Variants in IFNG-AS1 observed in about 807,000 individuals in gnomAD.
IFNG-AS1 encodes IFNG regulatory antisense RNA 1.
Position 68,014,836 on chromosome 12 carries a change from T to G in IFNG-AS1, n.242-5026T>G, listed in dbSNP as rs537010691. Among the ~76,000 whole-genome samples, 130 of 152,118 alleles carry G rather than the reference T, an allele frequency of 8.5e-4. 1 individual carries two copies. Among genetic ancestry groups the G allele is most frequent in the African/African-American group, 3.1e-3 (127 of 41,500 alleles). On this transcript the variant is annotated intron_variant and non_coding_transcript_variant, in intron 3 of 5. Transcript: ENST00000536914. ...CACACAGACACCCTATTGGTTCTATTTCTTTGGAGAACCCTAATACATTAA... is the reference window on the plus strand; with the variant it reads ...CACACAGACACCCTATTGGTTCTATGTCTTTGGAGAACCCTAATACATTAA...
At chr12:68,011,118 A>G (rs1390272844) in intron 3 of IFNG-AS1, among the ~76,000 whole-genome samples, 1 of 152,224 alleles carries the variant, frequency 6.6e-6, no homozygotes, top group Non-Finnish European at 1.5e-5. Flanking sequence ...GGCTCAGCTG[A>G]TAATATTTGC....
chr12:68,008,234 G>A (rs1879949126), intron 3 of IFNG-AS1, among the ~76,000 whole-genome samples: 1 of 152,058 alleles, frequency 6.6e-6, no homozygotes, highest in African/African-American at 2.4e-5. Context: ...GGCTAACACG[G>A]TGAAACCCCA....
intron 1 of IFNG-AS1, among the ~76,000 whole-genome samples, chr12:67,994,077 C>T (rs1043681754): frequency 6.6e-6 from 1 of 152,180 alleles, no homozygotes; most frequent in African/African-American, 2.4e-5. Flanking sequence ...ATAATTTAAC[C>T]TTCCAAGCAT....
intron 3 of IFNG-AS1, among the ~76,000 whole-genome samples, chr12:68,011,998 T>C (rs1439877914): frequency 1.3e-5 from 2 of 152,150 alleles, no homozygotes; most frequent in African/African-American, 4.8e-5. Context: ...TGGGGAAGGT[T>C]TGATGTTTTT....
chr12:68,004,935 A>G (rs998945509), intron 2 of IFNG-AS1, among the ~76,000 whole-genome samples: 2 of 152,162 alleles, frequency 1.3e-5, no homozygotes, highest in Admixed American at 1.3e-4. Flanking sequence ...AGAAGGATAA[A>G]CATCCCACTT....
chr12:67,992,624 C>G (rs188886087), intron 1 of IFNG-AS1, among the ~76,000 whole-genome samples: 3 of 152,136 alleles, frequency 2.0e-5, no homozygotes, highest in Non-Finnish European at 4.4e-5. Context: ...GCTATAAAAG[C>G]CTTTTATGCT....
At chr12:68,002,777 A>G (rs1436115883) in intron 2 of IFNG-AS1, among the ~76,000 whole-genome samples, 1 of 152,188 alleles carries the variant, frequency 6.6e-6, no homozygotes, top group African/African-American at 2.4e-5. Flanking sequence ...CTTTTTTGGA[A>G]TTAACATGAT....
chr12:68,017,780 T>C (rs1310212368), intron 3 of IFNG-AS1, among the ~76,000 whole-genome samples: 1 of 152,174 alleles, frequency 6.6e-6, no homozygotes, highest in Non-Finnish European at 1.5e-5. Context: ...TGGCTAGTCA[T>C]TATATCTTTC....
At chr12:67,998,901 G>A (rs1163003017) in intron 2 of IFNG-AS1, among the ~76,000 whole-genome samples, 1 of 152,108 alleles carries the variant, frequency 6.6e-6, no homozygotes, top group Non-Finnish European at 1.5e-5. Flanking sequence ...CCCCAAAGAG[G>A]CATTGGTTAG....
At chr12:68,011,475 G>T (rs376605397) in intron 3 of IFNG-AS1, among the ~76,000 whole-genome samples, 44 of 152,108 alleles carry the variant, frequency 2.9e-4, no homozygotes, top group African/African-American at 1.0e-3. Flanking sequence ...AATGCAAAAA[G>T]CGTTACATTT....
chr12:68,008,511 A>G (rs919642253), intron 3 of IFNG-AS1, among the ~76,000 whole-genome samples: 1 of 152,208 alleles, frequency 6.6e-6, no homozygotes, highest in Non-Finnish European at 1.5e-5. Flanking sequence ...AATTTTTAAA[A>G]AGCTCTTTAT....
At chr12:67,990,598 CTTT>C (rs34563503) in intron 1 of IFNG-AS1, among the ~76,000 whole-genome samples, 1 of 147,946 alleles carries the variant, frequency 6.8e-6, no homozygotes, top group African/African-American at 2.5e-5. Flanking sequence ...TACATTAATA[CTTT>C]TTTTTTTTTT....
In IFNG-AS1 at chr12:67,998,807, T is replaced by G. The variant is rs990905734; in HGVS notation, n.184+2734T>G. ...TATTATTATATACATGTATTATTAA[T>G]ACAATGTACATATTATATACTCTAA... On this transcript the variant is annotated intron_variant and non_coding_transcript_variant, in intron 2 of 5. Coordinates refer to ENST00000536914, the Ensembl canonical transcript of IFNG-AS1. Among the ~76,000 whole-genome samples the G allele has an allele frequency of 2.6e-5, 4 of 152,120 alleles. No homozygotes were observed. In the South Asian group the frequency reaches 8.3e-4, roughly 31 times the overall value.
rs117701021 is a variant in IFNG-AS1 at position 68,002,235 on chromosome 12, C to T, written n.185-3855C>T. On this transcript the variant is annotated intron_variant and non_coding_transcript_variant, in intron 2 of 5. Transcript: ENST00000536914. The stretch of plus-strand genomic sequence containing the variant: ...GGGCCAAGCCCTCCTCCTAAACCGG[C>T]AAATGCACATGGTAGGTCATGGGGG... Among the ~76,000 whole-genome samples the T allele has an allele frequency of 8.4e-3, 1,285 of 152,336 alleles. 12 individuals are homozygous for T. Among genetic ancestry groups the T allele is most frequent in the Non-Finnish European group, 0.013 (913 of 68,022 alleles).
At chr12:67,989,748 G>T (rs1325435355) in intron 1 of IFNG-AS1, among the ~76,000 whole-genome samples, 2 of 152,200 alleles carry the variant, frequency 1.3e-5, no homozygotes, top group Non-Finnish European at 2.9e-5. Context: ...GAGGAAGGCT[G>T]GGGTGGAGAG....
intron 3 of IFNG-AS1, among the ~76,000 whole-genome samples, chr12:68,007,406 C>T (rs916630574): frequency 1.3e-5 from 2 of 152,102 alleles, no homozygotes; most frequent in African/African-American, 2.4e-5. Flanking sequence ...GAATGTCATC[C>T]TAATATAAAC....
At chr12:68,002,377 T>C (rs1342721293) in intron 2 of IFNG-AS1, among the ~76,000 whole-genome samples, 1 of 152,208 alleles carries the variant, frequency 6.6e-6, no homozygotes, top group African/African-American at 2.4e-5. Flanking sequence ...ATAAATAGTA[T>C]TTGGCTCTCA....
At chr12:68,000,289 A>G (rs1173373587) in intron 2 of IFNG-AS1, among the ~76,000 whole-genome samples, 1 of 152,222 alleles carries the variant, frequency 6.6e-6, no homozygotes, top group Non-Finnish European at 1.5e-5. Context: ...GTATTTAAAA[A>G]CATTTCTACC....
At chr12:67,998,277 C>G (rs1879687778) in intron 2 of IFNG-AS1, among the ~76,000 whole-genome samples, 1 of 151,938 alleles carries the variant, frequency 6.6e-6, no homozygotes, top group African/African-American at 2.4e-5. Context: ...TTGTGTACCT[C>G]TACAGGCTCT....
Sources: allele counts gnomAD v4.1 joint callset (sites outside exome capture counted in the v4.1 genomes callset), GRCh38; gene constraint gnomAD v4.1.1; transcripts MANE v1.5; gene names NCBI Gene and HGNC (gene_info 2026-07-23, HGNC 2026-07-21).